NEK10: variants seen among roughly 807,000 people sequenced by gnomAD.
The protein encoded by NEK10 is serine/threonine-protein kinase Nek10.
NEK10 carries 122 observed loss-of-function variants against 159.8 expected under a neutral mutation model. The ratio of observed to expected loss-of-function variants is 0.76; its 90% confidence interval spans 0.66 to 0.89. The LOEUF (loss-of-function observed/expected upper bound fraction) is 0.89. Among genes scored for constraint, NEK10 ranks in the 40% least tolerant of loss-of-function variants. The pLI is 0.00. For synonymous variants in NEK10, 466 were observed against 457.1 expected (o/e 1.02, Z -0.25); for missense variants, 1,342 against 1,323.1 (o/e 1.01, Z -0.22).
At chr3:27,183,045 T>C (rs1948276839) in intron 26 of NEK10, among the ~76,000 whole-genome samples, 1 of 152,058 alleles carries the variant, frequency 6.6e-6, no homozygotes, top group Non-Finnish European at 1.5e-5. Context: ...CAATAATTTA[T>C]TGTATATTTA....
intron 30 of NEK10, chr3:27,162,321 A>G (rs73036929): frequency 0.048 from 66,877 of 1,402,754 alleles, 2,050 homozygotes; most frequent in Non-Finnish European, 0.053. Context: ...CAAACTAATA[A>G]TGGTGAACAA....
chr3:27,140,250 T>C (rs923719662), intron 31 of NEK10, among the ~76,000 whole-genome samples: 1 of 152,186 alleles, frequency 6.6e-6, no homozygotes, highest in Non-Finnish European at 1.5e-5. Flanking sequence ...TGAAGAGTTA[T>C]AGCTTCTCAC....
Position 27,189,158 on chromosome 3 carries a change from G to T in NEK10, c.2505+2871C>A, listed in dbSNP as rs535032908. 2.6e-5 allele frequency among the ~76,000 whole-genome samples: 4 copies of T among 152,162 alleles called. 1 individual carries two copies. The East Asian group carries it at 7.7e-4, about 29-fold the overall frequency. On this transcript the variant is annotated intron_variant, in intron 26 of 35. Coordinates refer to ENST00000691995, the MANE Select transcript of NEK10 (RefSeq NM_001394966.1). ...CAGAAAACATTCTTCAAAAGGAAAG[G>T]TTTGGTTCACTTTCATAGTGGGTAA...
intron 28 of NEK10, 139 bp downstream of exon 28, chr3:27,174,300 A>T: frequency 7.6e-7 from 1 of 1,309,304 alleles, no homozygotes; most frequent in Non-Finnish European, 1.0e-6. Flanking sequence ...AGACAGACAC[A>T]TCTGTCCTAA....
At chr3:27,241,935 A>T (rs1224439907) in intron 23 of NEK10, among the ~76,000 whole-genome samples, 1 of 152,180 alleles carries the variant, frequency 6.6e-6, no homozygotes, top group Non-Finnish European at 1.5e-5. Context: ...CCTGGCTACA[A>T]CCATGGCCAC....
intron 23 of NEK10, among the ~76,000 whole-genome samples, chr3:27,247,238 C>T (rs1039793501): frequency 2.6e-5 from 4 of 152,254 alleles, no homozygotes; most frequent in Non-Finnish European, 5.9e-5. Context: ...TTTCCCCATT[C>T]AGTATGATAT....
rs545645042 is a variant in NEK10 at position 27,339,329 on chromosome 3, A to G, written c.362+4943T>C. Among the ~76,000 whole-genome samples, 463 of 152,356 alleles carry G rather than the reference A, an allele frequency of 3.0e-3. 2 individuals are homozygous for G. Among genetic ancestry groups the G allele is most frequent in the Non-Finnish European group, 4.5e-3 (309 of 68,034 alleles). ...CAAAGGTCTAATATCCAGAATCTAC[A>G]AGAAATTTAAACAAATTTACAAGAA... On this transcript the variant is annotated intron_variant, in intron 5 of 35. Transcript: ENST00000691995.
chr3:27,190,339 A>T (rs1949003180), intron 26 of NEK10, among the ~76,000 whole-genome samples: 1 of 152,164 alleles, frequency 6.6e-6, no homozygotes, highest in South Asian at 2.1e-4. Flanking sequence ...ATTATATGGT[A>T]TCTGGGATTT....
Position 27,227,825 on chromosome 3 carries a change from G to A in NEK10, c.2091-25268C>T, listed in dbSNP as rs187663526. ...TAGAAGGTCCCTGTTGATCTGAGAA[G>A]TGCCATAGGCATGGCTACTTTGCCT... On this transcript the variant is annotated intron_variant, in intron 23 of 35. Coordinates refer to ENST00000691995, the MANE Select transcript of NEK10 (RefSeq NM_001394966.1). 3.9e-5 allele frequency among the ~76,000 whole-genome samples: 6 copies of A among 152,340 alleles called. No homozygotes were observed. In the East Asian group the frequency reaches 7.7e-4, roughly 20 times the overall value.
chr3:27,144,970 C>A (rs1005902507), intron 30 of NEK10, among the ~76,000 whole-genome samples: 1 of 152,142 alleles, frequency 6.6e-6, no homozygotes, highest in Admixed American at 6.5e-5. Context: ...GATCCACCCA[C>A]CTCGACCTCC....
In NEK10 at chr3:27,143,601, T is replaced by C. The variant is rs192274405; in HGVS notation, c.2870-2019A>G. 597 of 504,490 alleles carry C rather than the reference T, an allele frequency of 1.2e-3. 2 individuals carry two copies. The highest frequency in any genetic ancestry group is 1.0e-3 in the Non-Finnish European group (293 of 285,750). The allele number at this position is 504,490 out of a possible 1,614,324, so 31.3% of individuals were successfully genotyped here. ...CCACTACCCTCACAATCCCAACACA[T>C]CCTTGACTTCTGGAAATACTTTTGA... On this transcript the variant is annotated intron_variant, in intron 30 of 35. Transcript: ENST00000691995.
intron 3 of NEK10, among the ~76,000 whole-genome samples, chr3:27,347,896 C>A (rs930238469): frequency 2.0e-5 from 3 of 152,050 alleles, no homozygotes; most frequent in African/African-American, 7.2e-5. Context: ...GTTTCTGTAT[C>A]ATTAAAATGG....
intron 1 of NEK10, among the ~76,000 whole-genome samples, chr3:27,356,079 A>T (rs1241375565): frequency 1.3e-5 from 2 of 152,158 alleles, no homozygotes; most frequent in African/African-American, 2.4e-5. Context: ...CTCTTCTGCC[A>T]TGTAAGAAAA....
At chr3:27,239,666 T>C (rs1296181090) in intron 23 of NEK10, among the ~76,000 whole-genome samples, 1 of 152,162 alleles carries the variant, frequency 6.6e-6, no homozygotes, top group Non-Finnish European at 1.5e-5. Context: ...GATCTTTGTA[T>C]GTAATATCTA....
At chr3:27,164,860 T>C (rs1946341469) in intron 29 of NEK10, among the ~76,000 whole-genome samples, 2 of 152,232 alleles carry the variant, frequency 1.3e-5, no homozygotes, top group Non-Finnish European at 1.5e-5. Context: ...CATGATGAGT[T>C]TGCAAGATGA....
chr3:27,182,299 CA>C (rs1413653134), intron 26 of NEK10, among the ~76,000 whole-genome samples: 2 of 152,060 alleles, frequency 1.3e-5, no homozygotes, highest in African/African-American at 4.8e-5. Context: ...AGCCATTCCA[CA>C]ATGTATATAT....
intron 1 of NEK10, among the ~76,000 whole-genome samples, chr3:27,366,547 G>A (rs1384279189): frequency 6.6e-6 from 1 of 152,114 alleles, no homozygotes; most frequent in Non-Finnish European, 1.5e-5. Context: ...ACCTCCTGAA[G>A]ACTTTATTTG....
At chr3:27,257,788 C>CTTTTTTTTT (rs79727702) in intron 22 of NEK10, among the ~76,000 whole-genome samples, 4 of 130,510 alleles carry the variant, frequency 3.1e-5, no homozygotes, top group African/African-American at 8.9e-5. Context: ...TTTCTTTTTT[C>CTTTTTTTTT]TTTTTTTTTT....
At chr3:27,309,672 T>G (rs2044529385) in intron 9 of NEK10, 1 of 152,206 alleles carries the variant, frequency 6.6e-6, no homozygotes, top group Non-Finnish European at 1.5e-5. Flanking sequence ...TGACATAAAT[T>G]ACAATAGTGG....
Sources: gnomAD v4.1 joint callset for allele counts (sites outside exome capture counted in the v4.1 genomes callset) on GRCh38, gnomAD v4.1.1 for gene constraint, MANE v1.5 for transcripts, NCBI Gene and HGNC (gene_info 2026-07-23, HGNC 2026-07-21) for gene names.